AGMO: variants seen among roughly 807,000 people sequenced by gnomAD.
The protein encoded by AGMO is glyceryl-ether monooxygenase.
AGMO carries 75 observed loss-of-function variants against 60.2 expected under a neutral mutation model. The observed-to-expected ratio is 1.25, with a 90% confidence interval of 1.03 to 1.51. The LOEUF (loss-of-function observed/expected upper bound fraction) is 1.51. AGMO is among the 40% of genes most tolerant of loss of function. The probability of loss-of-function intolerance (pLI) is 0.00; values close to 1 mark genes in which losing one functional copy is unlikely to be tolerated. For synonymous variants in AGMO, 261 were observed against 177.1 expected, an observed-to-expected ratio of 1.47 and a Z score of -3.76; for missense variants, 763 against 525.5, an observed-to-expected ratio of 1.45 and a Z score of -4.42.
intron 12 of AGMO, among the ~76,000 whole-genome samples, chr7:15,245,167 G>A (rs1782705863): frequency 6.6e-6 from 1 of 152,054 alleles, no homozygotes; most frequent in Non-Finnish European, 1.5e-5. Flanking sequence ...ACATTATATG[G>A]TACATTTCAT....
chr7:15,375,015 T>C (rs1282522673), intron 10 of AGMO, among the ~76,000 whole-genome samples: 1 of 151,838 alleles, frequency 6.6e-6, no homozygotes, highest in Non-Finnish European at 1.5e-5. Context: ...GACTGGAAAA[T>C]CTCATGATTC....
chr7:15,362,140 T>G (rs575847340), intron 12 of AGMO, among the ~76,000 whole-genome samples: 19 of 152,294 alleles, frequency 1.2e-4, no homozygotes, highest in African/African-American at 4.3e-4. Context: ...AAGAACAGTT[T>G]TAATAAAAGA....
At position 15,213,091 on chromosome 7, in the gene AGMO, T is replaced by C. The variant is rs187917703; in HGVS notation, c.1264-11732A>G. On this transcript the variant is annotated intron_variant, in intron 12 of 12. Transcript: ENST00000342526. The stretch of plus-strand genomic sequence containing the variant: ...TTATTTTGTTCAATTATTATTGATA[T>C]GACACACATAAAAATAGATCTTTTT... 5.2e-3 allele frequency among the ~76,000 whole-genome samples: 790 copies of C among 152,116 alleles called. 7 individuals are homozygous for C. The highest frequency in any genetic ancestry group is 8.7e-3 in the Non-Finnish European group (593 of 67,896).
intron 12 of AGMO, among the ~76,000 whole-genome samples, chr7:15,351,755 T>C (rs1461458610): frequency 6.6e-6 from 1 of 152,216 alleles, no homozygotes; most frequent in African/African-American, 2.4e-5. Flanking sequence ...CAAATGCAAT[T>C]CTTTTTAAAA....
chr7:15,301,383 G>C (rs1229453591), intron 12 of AGMO, among the ~76,000 whole-genome samples: 2 of 151,960 alleles, frequency 1.3e-5, no homozygotes, highest in Non-Finnish European at 2.9e-5. Context: ...AGGTTGCAGT[G>C]AGCCAAGATC....
At chr7:15,266,856 T>A (rs766125444) in intron 12 of AGMO, among the ~76,000 whole-genome samples, 1 of 151,698 alleles carries the variant, frequency 6.6e-6, no homozygotes. Context: ...TCACCTAATA[T>A]TTACAGAAAC....
chr7:15,290,965 G>A (rs949918060), intron 12 of AGMO, among the ~76,000 whole-genome samples: 1 of 152,082 alleles, frequency 6.6e-6, no homozygotes, highest in Non-Finnish European at 1.5e-5. Context: ...GGATAATAGA[G>A]TCTAGTCAGC....
chr7:15,440,168 G>C (rs1208702713), intron 3 of AGMO, among the ~76,000 whole-genome samples: 1 of 152,114 alleles, frequency 6.6e-6, no homozygotes, highest in Non-Finnish European at 1.5e-5. Flanking sequence ...TGGTACTTAT[G>C]TCCAATAAGT....
intron 4 of AGMO, among the ~76,000 whole-genome samples, chr7:15,420,006 T>G (rs1159580824): frequency 6.6e-6 from 1 of 152,098 alleles, no homozygotes; most frequent in East Asian, 1.9e-4. Context: ...ATAAGTCCTC[T>G]AAGTTGAGGA....
At chr7:15,195,202 T>C in the AGMO span, among the ~76,000 whole-genome samples, 1 of 152,208 alleles carries the variant, frequency 6.6e-6, no homozygotes, top group Non-Finnish European at 1.5e-5. Context: ...AGTCATTGTC[T>C]GGGATAGATA....
chr7:15,454,023 A>T, intron 3 of AGMO, among the ~76,000 whole-genome samples: 1 of 148,542 alleles, frequency 6.7e-6, no homozygotes, highest in Non-Finnish European at 1.5e-5. Context: ...AAATATGTTT[A>T]TATATTTTTT....
intron 3 of AGMO, among the ~76,000 whole-genome samples, chr7:15,500,611 TA>T (rs1783358293): frequency 1.3e-5 from 2 of 151,902 alleles, no homozygotes; most frequent in African/African-American, 2.4e-5. Context: ...ATTTTTAAAA[TA>T]TTTTTTTAAA....
chr7:15,500,503 G>A (rs1379903725), intron 3 of AGMO, among the ~76,000 whole-genome samples: 2 of 142,498 alleles, frequency 1.4e-5, no homozygotes, highest in South Asian at 4.3e-4. Context: ...GTATATGAGT[G>A]TGTGTGTGTG....
At chr7:15,525,804 C>A (rs1284555773) in intron 3 of AGMO, among the ~76,000 whole-genome samples, 4 of 152,144 alleles carry the variant, frequency 2.6e-5, no homozygotes, top group African/African-American at 9.7e-5. Context: ...AGTGAGTGCA[C>A]CGCCACCCAT....
intron 4 of AGMO, among the ~76,000 whole-genome samples, chr7:15,428,373 A>T (rs1449076729): frequency 6.6e-6 from 1 of 152,188 alleles, no homozygotes; most frequent in Admixed American, 6.5e-5. Context: ...AAAAATATTT[A>T]GCAGCTTGTC....
Position 15,301,992 on chromosome 7 carries a change from ACTTTTT to A in AGMO, c.1263+63516_1263+63521del, listed in dbSNP as rs1780452379. Among the ~76,000 whole-genome samples, 3 of 152,324 alleles carry A rather than the reference ACTTTTT, an allele frequency of 2.0e-5. 1 individual carries two copies. In the South Asian group the frequency reaches 6.2e-4, roughly 32 times the overall value. On this transcript the variant is annotated intron_variant, in intron 12 of 12. Transcript: ENST00000342526. ...GAGAATAAGTAAAGAGAGCTCCTCA[ACTTTTT>A]CTTAATGTTTTATTTACTTAAAATA...
intron 12 of AGMO, among the ~76,000 whole-genome samples, chr7:15,278,620 C>T (rs947009545): frequency 6.6e-6 from 1 of 152,182 alleles, no homozygotes; most frequent in African/African-American, 2.4e-5. Context: ...TCAGCTGGAG[C>T]AATGGAGACT....
chr7:15,270,286 TTTGTA>T (rs1008301145), intron 12 of AGMO, among the ~76,000 whole-genome samples: 4 of 152,064 alleles, frequency 2.6e-5, no homozygotes, highest in African/African-American at 9.7e-5. Context: ...GTTTTTTGAC[TTTGTA>T]TTATTATTTT....
chr7:15,387,144 G>A (rs558821809), intron 9 of AGMO, among the ~76,000 whole-genome samples: 2 of 152,280 alleles, frequency 1.3e-5, no homozygotes, highest in Admixed American at 6.5e-5. Context: ...CGTTCAAGTC[G>A]ATATGAAAAC....
Sources: gnomAD v4.1 joint callset for allele counts (sites outside exome capture counted in the v4.1 genomes callset) on GRCh38, gnomAD v4.1.1 for gene constraint, MANE v1.5 for transcripts, NCBI Gene and HGNC (gene_info 2026-07-23, HGNC 2026-07-21) for gene names.